TRPC4: variants seen among roughly 807,000 people sequenced by gnomAD.
TRPC4 encodes short transient receptor potential channel 4.
Under a neutral mutation model 99.4 loss-of-function variants are expected in TRPC4, and 49 were observed. That is an observed-to-expected ratio of 0.49 (90% CI 0.39 to 0.63). TRPC4 has a LOEUF of 0.63. TRPC4 is among the 20% of genes least tolerant of loss of function. The pLI is 0.00. For synonymous variants in TRPC4, 454 were observed against 425.9 expected (o/e 1.07, Z -0.81); for missense variants, 898 against 1,152.9 (o/e 0.78, Z 3.20).
intron 1 of TRPC4, among the ~76,000 whole-genome samples, chr13:37,861,959 G>T (rs1412220950): frequency 5.3e-5 from 8 of 151,074 alleles, no homozygotes; most frequent in East Asian, 3.9e-4. Context: ...TCCAATAATG[G>T]TTTTTTTTAA....
intron 1 of TRPC4, among the ~76,000 whole-genome samples, chr13:37,869,103 AT>A (rs1959979427): frequency 6.6e-6 from 1 of 152,098 alleles, no homozygotes; most frequent in Non-Finnish European, 1.5e-5. Flanking sequence ...AATGTAATCG[AT>A]CGGTAGAACA....
chr13:37,742,933 C>T (rs907490501), intron 3 of TRPC4, among the ~76,000 whole-genome samples: 2 of 152,052 alleles, frequency 1.3e-5, no homozygotes, highest in African/African-American at 4.8e-5. Context: ...TTAAATAATG[C>T]TATCAGTTAT....
At chr13:37,718,191 C>T (rs929294212) in intron 3 of TRPC4, among the ~76,000 whole-genome samples, 4 of 151,868 alleles carry the variant, frequency 2.6e-5, no homozygotes, top group Admixed American at 6.6e-5. Flanking sequence ...GCCATGCATA[C>T]GTAGGGCAGA....
intron 3 of TRPC4, among the ~76,000 whole-genome samples, chr13:37,714,307 A>G (rs532100904): frequency 6.6e-6 from 1 of 152,040 alleles, no homozygotes; most frequent in African/African-American, 2.4e-5. Flanking sequence ...TTGTATTTTC[A>G]GTAGAGACAG....
intron 1 of TRPC4, among the ~76,000 whole-genome samples, chr13:37,856,389 G>C (rs1340576208): frequency 8.4e-6 from 1 of 118,624 alleles, no homozygotes; most frequent in Non-Finnish European, 1.7e-5. Context: ...AAGTCTCCTA[G>C]TAAAAAAAAA....
chr13:37,657,844 A>G (rs1467007964), intron 6 of TRPC4, among the ~76,000 whole-genome samples: 1 of 152,184 alleles, frequency 6.6e-6, no homozygotes, highest in East Asian at 1.9e-4. Context: ...GTGACATTTC[A>G]TGATTACTTA....
chr13:37,662,278 C>A (rs1476048896), intron 6 of TRPC4, among the ~76,000 whole-genome samples: 1 of 151,642 alleles, frequency 6.6e-6, no homozygotes, highest in Non-Finnish European at 1.5e-5. Context: ...CCACTGCACT[C>A]CAGCCTGGGC....
chr13:37,816,484 A>C (rs1415020876), intron 1 of TRPC4, among the ~76,000 whole-genome samples: 3 of 151,966 alleles, frequency 2.0e-5, no homozygotes, highest in Non-Finnish European at 4.4e-5. Flanking sequence ...TGCTGAAACT[A>C]TTCCAAATAT....
At chr13:37,642,040 A>G (rs963755393) in intron 8 of TRPC4, among the ~76,000 whole-genome samples, 5 of 152,148 alleles carry the variant, frequency 3.3e-5, no homozygotes, top group African/African-American at 1.2e-4. Context: ...CCTTTGCATG[A>G]TTTTGATGGT....
chr13:37,739,860 C>A (rs1955529373), intron 3 of TRPC4, among the ~76,000 whole-genome samples: 1 of 151,918 alleles, frequency 6.6e-6, no homozygotes, highest in African/African-American at 2.4e-5. Flanking sequence ...AATATTTTTC[C>A]CCAAATTATA....
intron 3 of TRPC4, among the ~76,000 whole-genome samples, chr13:37,743,099 T>A (rs1415238043): frequency 6.6e-6 from 1 of 152,114 alleles, no homozygotes; most frequent in African/African-American, 2.4e-5. Flanking sequence ...AAAATCCCAA[T>A]ACAATGTCTT....
intron 2 of TRPC4, among the ~76,000 whole-genome samples, chr13:37,753,492 T>C (rs1342325581): frequency 6.6e-6 from 1 of 150,870 alleles, no homozygotes; most frequent in African/African-American, 2.4e-5. Context: ...ATTAGACTTG[T>C]AGCCATGGAA....
intron 3 of TRPC4, among the ~76,000 whole-genome samples, chr13:37,745,440 A>G (rs12869016): frequency 0.59 from 49,653 of 84,250 alleles, 11,000 homozygotes; most frequent in Middle Eastern, 0.65. Context: ...ATATGCGTAT[A>G]TATATATATA....
intron 1 of TRPC4, among the ~76,000 whole-genome samples, chr13:37,783,884 T>G (rs189526921): frequency 1.8e-3 from 276 of 152,180 alleles, no homozygotes; most frequent in Non-Finnish European, 2.3e-3. Context: ...GTTTTGTTTT[T>G]TTTGGTAGAG....
At chr13:37,752,173 A>G (rs953556467) in intron 2 of TRPC4, among the ~76,000 whole-genome samples, 1 of 147,744 alleles carries the variant, frequency 6.8e-6, no homozygotes, top group Non-Finnish European at 1.5e-5. Context: ...TTTGCTAACT[A>G]TAATTTTTTT....
intron 2 of TRPC4, among the ~76,000 whole-genome samples, chr13:37,752,509 T>G (rs1167852852): frequency 1.3e-5 from 2 of 151,914 alleles, no homozygotes; most frequent in Non-Finnish European, 2.9e-5. Context: ...AGTGAAACAA[T>G]GCAAGCTAAA....
chr13:37,710,841 G>A (rs913280403), intron 3 of TRPC4, among the ~76,000 whole-genome samples: 1 of 151,786 alleles, frequency 6.6e-6, no homozygotes, highest in African/African-American at 2.4e-5. Context: ...GTGAATGAAA[G>A]CAATTATTTT....
intron 1 of TRPC4, among the ~76,000 whole-genome samples, chr13:37,811,678 CT>C (rs1222141650): frequency 6.6e-6 from 1 of 152,156 alleles, no homozygotes; most frequent in African/African-American, 2.4e-5. Context: ...GGAAAATCAT[CT>C]GTGAAGATAA....
At chr13:37,801,302 G>GT (rs1957394020) in intron 1 of TRPC4, among the ~76,000 whole-genome samples, 3 of 152,228 alleles carry the variant, frequency 2.0e-5, no homozygotes, top group South Asian at 2.1e-4. Flanking sequence ...GAAAGACAGT[G>GT]TAACATTACT....
Sources: gnomAD v4.1 joint callset for allele counts (sites outside exome capture counted in the v4.1 genomes callset) on GRCh38, gnomAD v4.1.1 for gene constraint, MANE v1.5 for transcripts, NCBI Gene and HGNC (gene_info 2026-07-23, HGNC 2026-07-21) for gene names.